TECRL: variants seen among roughly 807,000 people sequenced by gnomAD.
TECRL encodes trans-2,3-enoyl-CoA reductase-like.
TECRL carries 63 observed loss-of-function variants against 52.8 expected under a neutral mutation model. The ratio of observed to expected loss-of-function variants is 1.19; its 90% CI spans 0.97 to 1.47. The LOEUF is 1.47. TECRL is among the 40% of genes most tolerant of loss of function. The pLI is 0.00. For missense variants in TECRL, 482 were observed against 429.6 expected (o/e 1.12, Z -1.08); for synonymous variants, 164 against 141.9 (o/e 1.16, Z -1.10).
chr4:64,281,045 C>T lies in TECRL; in HGVS notation c.960G>A (p.Leu320=). ...ATCAGTATATCTAGGTCTTACCTGG[C>T]AGTGTTTGTGTCATGACTGTGAAAC... ...WISFTVMTQT[L]PVGIFTLLMS... is the part of the protein sequence containing the mutation. The change falls in exon 11 of 12, where the codon CTG becomes CTA. Residue 320 remains leucine, a synonymous_variant. Transcript: ENST00000381210. 1 of 1,599,316 alleles carries T rather than the reference C, an allele frequency of 6.3e-7. No homozygotes were observed. Among genetic ancestry groups the T allele is most frequent in the Non-Finnish European group, 8.5e-7 (1 of 1,170,460 alleles).
chr4:64,354,429 C>T (rs1375254598), intron 2 of TECRL, among the ~76,000 whole-genome samples: 1 of 152,160 alleles, frequency 6.6e-6, no homozygotes, highest in Admixed American at 6.5e-5. Context: ...AGACAAATCT[C>T]TCTTTTACAG....
chr4:64,323,249 T>A (rs1265167362), intron 3 of TECRL, among the ~76,000 whole-genome samples: 1 of 151,772 alleles, frequency 6.6e-6, no homozygotes, highest in African/African-American at 2.4e-5. Context: ...AGAAAAAAAT[T>A]AGCCAGGCAT....
intron 2 of TECRL, among the ~76,000 whole-genome samples, chr4:64,349,810 T>C (rs980331265): frequency 4.6e-5 from 7 of 152,164 alleles, no homozygotes; most frequent in Admixed American, 2.0e-4. Context: ...AATTTCATTA[T>C]AGAAATAAGT....
intron 2 of TECRL, 108 bp downstream of exon 2, chr4:64,375,064 A>G: frequency 2.3e-6 from 1 of 443,814 alleles, no homozygotes; most frequent in Non-Finnish European, 3.9e-6. Context: ...CTCCTTGTAG[A>G]ACTATGGTTT....
At chr4:64,299,870 A>G (rs2109973055) in intron 8 of TECRL, 104 bp downstream of exon 8, 1 of 449,750 alleles carries the variant, frequency 2.2e-6, no homozygotes, top group East Asian at 4.1e-5. Context: ...TATTATATAA[A>G]TATATATCAT....
chr4:64,321,815 G>C (rs1717920671), intron 4 of TECRL, among the ~76,000 whole-genome samples: 1 of 152,048 alleles, frequency 6.6e-6, no homozygotes, highest in African/African-American at 2.4e-5. Context: ...TATTTTCACA[G>C]GCTGAAGGAA....
chr4:64,365,023 T>C (rs1010123656), intron 2 of TECRL, among the ~76,000 whole-genome samples: 62 of 151,968 alleles, frequency 4.1e-4, no homozygotes, highest in African/African-American at 1.4e-3. Flanking sequence ...AGTAACAAAC[T>C]GAATTCAGCA....
At chr4:64,347,763 G>T (rs1720091568) in intron 2 of TECRL, among the ~76,000 whole-genome samples, 1 of 152,108 alleles carries the variant, frequency 6.6e-6, no homozygotes, top group Non-Finnish European at 1.5e-5. Flanking sequence ...GGGATTACAG[G>T]TCCCTCCCTT....
intron 2 of TECRL, among the ~76,000 whole-genome samples, chr4:64,355,384 T>C (rs1247100731): frequency 1.3e-5 from 2 of 149,198 alleles, no homozygotes; most frequent in African/African-American, 4.9e-5. Flanking sequence ...CCTAAAATAT[T>C]TTTCTATATT....
intron 2 of TECRL, among the ~76,000 whole-genome samples, chr4:64,351,095 T>G (rs1228122900): frequency 7.7e-6 from 1 of 130,436 alleles, no homozygotes; most frequent in Non-Finnish European, 1.7e-5. Flanking sequence ...AATAAGTTGA[T>G]CTCATGCAAG....
intron 1 of TECRL, among the ~76,000 whole-genome samples, chr4:64,399,819 C>A (rs568752963): frequency 6.6e-6 from 1 of 152,094 alleles, no homozygotes; most frequent in African/African-American, 2.4e-5. Flanking sequence ...CAAGCAAAAG[C>A]CTGATGGAGG....
At chr4:64,381,752 A>G (rs1360512258) in intron 1 of TECRL, among the ~76,000 whole-genome samples, 2 of 152,204 alleles carry the variant, frequency 1.3e-5, no homozygotes, top group South Asian at 2.1e-4. Flanking sequence ...CTACTAAATC[A>G]TAGGGTATTA....
At chr4:64,310,369 T>G (rs917531148) in intron 5 of TECRL, among the ~76,000 whole-genome samples, 2 of 152,218 alleles carry the variant, frequency 1.3e-5, no homozygotes, top group Admixed American at 6.5e-5. Flanking sequence ...TGGTTGTCCT[T>G]TAGCAAGTAC....
At chr4:64,345,037 C>T (rs946244142) in intron 2 of TECRL, among the ~76,000 whole-genome samples, 8 of 152,078 alleles carry the variant, frequency 5.3e-5, no homozygotes, top group Non-Finnish European at 8.8e-5. Context: ...GAATGGCGAT[C>T]ATTAAAAAGT....
intron 2 of TECRL, among the ~76,000 whole-genome samples, chr4:64,367,820 CA>C (rs1433947556): frequency 1.3e-5 from 2 of 152,010 alleles, no homozygotes; most frequent in Non-Finnish European, 2.9e-5. Flanking sequence ...ATATGATTCA[CA>C]AAAATGCTTT....
intron 9 of TECRL, among the ~76,000 whole-genome samples, chr4:64,282,165 T>A (rs1297693287): frequency 2.3e-4 from 35 of 152,022 alleles, no homozygotes; most frequent in Admixed American, 2.3e-3. Context: ...CTCATTATAC[T>A]TCACATATTG....
intron 2 of TECRL, among the ~76,000 whole-genome samples, chr4:64,357,484 A>G (rs1577928818): frequency 6.6e-6 from 1 of 151,718 alleles, no homozygotes; most frequent in East Asian, 1.9e-4. Context: ...AACAATTTTT[A>G]AAGTAGAATT....
intron 2 of TECRL, among the ~76,000 whole-genome samples, chr4:64,338,327 A>C (rs1190056777): frequency 2.6e-5 from 4 of 152,188 alleles, no homozygotes; most frequent in South Asian, 2.1e-4. Context: ...ACCATAAAAT[A>C]CCTAGAAGAA....
chr4:64,384,858 G>A (rs768329972), intron 1 of TECRL, among the ~76,000 whole-genome samples: 1 of 152,156 alleles, frequency 6.6e-6, no homozygotes, highest in Non-Finnish European at 1.5e-5. Flanking sequence ...CACTGGAAAA[G>A]GTGGTCCCAG....
Sources: allele counts gnomAD v4.1 joint callset (sites outside exome capture counted in the v4.1 genomes callset), GRCh38; gene constraint gnomAD v4.1.1; transcripts MANE v1.5; gene names NCBI Gene and HGNC (gene_info 2026-07-23, HGNC 2026-07-21).